APLF: variants seen among roughly 807,000 people sequenced by gnomAD.
The protein encoded by APLF is aprataxin and PNK-like factor.
A neutral mutation model predicts 55.6 loss-of-function variants in APLF; 61 were observed. The ratio of observed to expected loss-of-function variants is 1.10; its 90% CI spans 0.89 to 1.36. The LOEUF (loss-of-function observed/expected upper bound fraction) is 1.36, where lower values mean the gene tolerates loss of function less well. Among genes scored for constraint, APLF ranks in the 40% most tolerant of loss-of-function variants. The probability of loss-of-function intolerance (pLI) is 0.00; values close to 1 mark genes in which losing one functional copy is unlikely to be tolerated. For synonymous variants in APLF, 207 were observed against 214.8 expected, an observed-to-expected ratio of 0.96 and a Z score of 0.32; for missense variants, 611 against 602.5, an observed-to-expected ratio of 1.01 and a Z score of -0.15.
chr2:68,556,776 C>A (rs532149606), intron 8 of APLF, among the ~76,000 whole-genome samples: 9 of 152,224 alleles, frequency 5.9e-5, no homozygotes, highest in African/African-American at 2.2e-4. Context: ...AAGCTAGTGT[C>A]CTATTTTTTA....
intron 3 of APLF, among the ~76,000 whole-genome samples, chr2:68,504,231 C>T (rs375400396): frequency 1.1e-4 from 16 of 151,814 alleles, no homozygotes; most frequent in African/African-American, 3.6e-4. Flanking sequence ...ATTAAACTTA[C>T]AAGGAAGAAA....
At chr2:68,475,052 A>G (rs962513565) in intron 1 of APLF, among the ~76,000 whole-genome samples, 2 of 152,248 alleles carry the variant, frequency 1.3e-5, no homozygotes, top group African/African-American at 4.8e-5. Context: ...TAAGTAGAGT[A>G]CTTGGCACAG....
At chr2:68,541,373 A>C (rs1349739094) in intron 7 of APLF, among the ~76,000 whole-genome samples, 7 of 152,168 alleles carry the variant, frequency 4.6e-5, no homozygotes, top group Admixed American at 3.9e-4. Flanking sequence ...AAAGTAGATG[A>C]GGATATTTGT....
At chr2:68,521,014 C>T (rs1293994056) in intron 5 of APLF, among the ~76,000 whole-genome samples, 1 of 151,794 alleles carries the variant, frequency 6.6e-6, no homozygotes, top group Non-Finnish European at 1.5e-5. Flanking sequence ...TTGTACTTTT[C>T]CTTGTAGAGG....
intron 1 of APLF, among the ~76,000 whole-genome samples, chr2:68,482,088 A>G (rs951951406): frequency 6.9e-5 from 10 of 145,246 alleles, no homozygotes; most frequent in Admixed American, 4.7e-4. Flanking sequence ...GGCATTTTAT[A>G]AATTTCTTTT....
intron 5 of APLF, 97 bp downstream of exon 5, chr2:68,513,777 ATAGAG>A (rs980589724): frequency 5.3e-6 from 7 of 1,313,900 alleles, no homozygotes; most frequent in South Asian, 2.9e-5. Flanking sequence ...TTCTATAGAG[ATAGAG>A]TAGAGGTTGT....
chr2:68,546,609 T>TA (rs1558549669), intron 8 of APLF, among the ~76,000 whole-genome samples: 1 of 151,752 alleles, frequency 6.6e-6, no homozygotes, highest in East Asian at 1.9e-4. Flanking sequence ...GTTTTAATGT[T>TA]AAAAAATAAA....
At chr2:68,494,032 C>A (rs2103915118) in intron 2 of APLF, among the ~76,000 whole-genome samples, 1 of 151,596 alleles carries the variant, frequency 6.6e-6, no homozygotes, top group Middle Eastern at 3.4e-3. Flanking sequence ...GGCATGAACC[C>A]AGGAGGCGGA....
chr2:68,471,496 G>T (rs1675614905), intron 1 of APLF, among the ~76,000 whole-genome samples: 1 of 152,098 alleles, frequency 6.6e-6, no homozygotes, highest in Non-Finnish European at 1.5e-5. Flanking sequence ...ACTAAATAAG[G>T]CTACAACCTC....
At chr2:68,538,325 C>A in intron 7 of APLF, 98 bp downstream of exon 7, 1 of 1,101,360 alleles carries the variant, frequency 9.1e-7, no homozygotes, top group Non-Finnish European at 1.3e-6. Flanking sequence ...ATAAAACCCA[C>A]TGGCCTAAAG....
intron 2 of APLF, among the ~76,000 whole-genome samples, chr2:68,501,795 G>A (rs938371559): frequency 5.9e-5 from 9 of 152,134 alleles, no homozygotes; most frequent in African/African-American, 1.9e-4. Context: ...TAGAAAGAAA[G>A]CTGTGTTGTT....
At chr2:68,539,409 T>G (rs748967506) in intron 7 of APLF, among the ~76,000 whole-genome samples, 8 of 152,244 alleles carry the variant, frequency 5.3e-5, no homozygotes, top group Non-Finnish European at 1.0e-4. Context: ...AGACTGCCAC[T>G]TTCTCACTGT....
At chr2:68,489,501 A>G (rs909145692) in intron 1 of APLF, among the ~76,000 whole-genome samples, 2 of 152,268 alleles carry the variant, frequency 1.3e-5, no homozygotes, top group African/African-American at 4.8e-5. Context: ...TAACATGCAA[A>G]CAATTTTTGA....
chr2:68,567,354 C>T lies in APLF; in HGVS notation c.1300C>T (p.His434Tyr), dbSNP rs1217744730. Residue 434 changes from histidine to tyrosine, a missense_variant, in exon 9 of 10, where the codon CAC becomes TAC. Transcript: ENST00000303795. ...GPSCYRKNPQHKIEYRHNTLP... is the reference protein window; with the variant it reads ...GPSCYRKNPQYKIEYRHNTLP... ...TTCTTCTTTCAGGAAGAATCCCCAG[C>T]ACAAGATAGAATATAGACATAATAC... is the stretch of plus-strand genomic sequence containing the variant. The T allele has an allele frequency of 6.2e-7, 1 of 1,605,288 alleles. No individual in the cohort carries two copies. The highest frequency in any genetic ancestry group is 8.5e-7 in the Non-Finnish European group (1 of 1,176,014).
intron 2 of APLF, among the ~76,000 whole-genome samples, chr2:68,497,035 T>G (rs1676570653): frequency 6.6e-6 from 1 of 152,186 alleles, no homozygotes; most frequent in Non-Finnish European, 1.5e-5. Context: ...AGTACCAATT[T>G]TCTGTATTAG....
At position 68,513,469 on chromosome 2, in the gene APLF, A is replaced by G. The variant is rs183485765; in HGVS notation, c.490-79A>G. The G allele has an allele frequency of 3.4e-4, 497 of 1,471,518 alleles. 1 individual carries two copies. In the African/African-American group the frequency reaches 5.8e-3, roughly 17 times the overall value. The allele number at this position is 1,471,518 out of a possible 1,614,324, so 91.2% of individuals were successfully genotyped here. On this transcript the variant is annotated intron_variant, in intron 4 of 9. Coordinates refer to ENST00000303795, the MANE Select transcript of APLF (RefSeq NM_173545.3). The stretch of plus-strand genomic sequence containing the variant: ...AGTTGCATATGGGTATTTTAATGGT[A>G]GTATTCTGCAAAGCAGATATTTTGC...
At chr2:68,523,145 G>C (rs574566526) in intron 5 of APLF, among the ~76,000 whole-genome samples, 2 of 151,950 alleles carry the variant, frequency 1.3e-5, no homozygotes, top group East Asian at 1.9e-4. Flanking sequence ...TAACAAAAAA[G>C]ATAAAACTCA....
rs147978659 is a variant in APLF, at chr2:68,514,034, T to C, written c.622+354T>C. Among the ~76,000 whole-genome samples the C allele has an allele frequency of 2.3e-3, 346 of 151,928 alleles. 1 individual carries two copies. The highest frequency in any genetic ancestry group is 7.8e-3 in the African/African-American group (324 of 41,526). Reference sequence around the variant, plus strand: ...TTTAAAAATGCCAGACGAATTGATATACTTTCAAGTTTACTGATTCTTTTT... The same window carrying C: ...TTTAAAAATGCCAGACGAATTGATACACTTTCAAGTTTACTGATTCTTTTT... On this transcript the variant is annotated intron_variant, in intron 5 of 9. Transcript: ENST00000303795.
At chr2:68,558,573 C>T (rs1671078010) in intron 8 of APLF, among the ~76,000 whole-genome samples, 1 of 152,136 alleles carries the variant, frequency 6.6e-6, no homozygotes, top group South Asian at 2.1e-4. Flanking sequence ...AAATATTGAG[C>T]ATCTAAAATG....
Sources: gnomAD v4.1 joint callset for allele counts (sites outside exome capture counted in the v4.1 genomes callset) on GRCh38, gnomAD v4.1.1 for gene constraint, MANE v1.5 for transcripts, NCBI Gene and HGNC (gene_info 2026-07-23, HGNC 2026-07-21) for gene names.